ABCA4: variants seen among roughly 807,000 people sequenced by gnomAD.
ABCA4 encodes the protein ATP binding cassette subfamily A member 4.
In ABCA4, 196 loss-of-function variants were observed where a neutral mutation model predicts 263.7. That is an observed-to-expected ratio of 0.74 (90% CI 0.66 to 0.84). The LOEUF is 0.84. Ranked by LOEUF, ABCA4 falls within the 40% of genes least tolerant of loss-of-function variation. The pLI, the probability that ABCA4 is intolerant of heterozygous loss-of-function variation, is 0.00. For synonymous variants in ABCA4, 1,133 were observed against 1,094.2 expected (o/e 1.04, Z -0.70); for missense variants, 2,792 against 2,855.1 (o/e 0.98, Z 0.50).
At chr1:94,120,752 T>C (rs1437294498) in intron 1 of ABCA4, among the ~76,000 whole-genome samples, 1 of 152,026 alleles carries the variant, frequency 6.6e-6, no homozygotes, top group Non-Finnish European at 1.5e-5. Flanking sequence ...AAGATTTTCA[T>C]GTGGCTGAGG....
chr1:94,117,295 T>C (rs1267368605), intron 1 of ABCA4, among the ~76,000 whole-genome samples: 1 of 151,998 alleles, frequency 6.6e-6, no homozygotes, highest in Non-Finnish European at 1.5e-5. Context: ...AGGACAGAAT[T>C]CTTAGCCTGG....
chr1:94,014,438 G>A (rs955384267), intron 38 of ABCA4, 105 bp downstream of exon 38: 20 of 1,317,294 alleles, frequency 1.5e-5, no homozygotes, highest in South Asian at 2.4e-5. Flanking sequence ...GCACTCATCC[G>A]CATACAGCTG....
Position 94,098,900 on chromosome 1 carries a change from C to T in ABCA4, c.662G>A (p.Gly221Glu), listed in dbSNP as rs377637509. The T allele has an allele frequency of 1.9e-6, 3 of 1,613,908 alleles. No homozygotes were observed. The highest frequency in any genetic ancestry group is 1.1e-5 in the South Asian group (1 of 91,082). ...ERFIIFSQRRGAKTVRYALCS... is the reference protein window; with the variant it reads ...ERFIIFSQRREAKTVRYALCS... Reference sequence around the variant, plus strand: ...CAGGGCATAGCGCACCGTCTTTGCCCCGCGTCTCTGGCTGAAGATGATGAA... The same window carrying T: ...CAGGGCATAGCGCACCGTCTTTGCCTCGCGTCTCTGGCTGAAGATGATGAA... Residue 221 changes from glycine to glutamate, a missense_variant, in exon 6 of 50, where the codon GGG (glycine) becomes GAG (glutamate). Coordinates refer to ENST00000370225, the MANE Select transcript of ABCA4 (RefSeq NM_000350.3).
rs1384070343 is a variant in ABCA4, at chr1:94,077,753, G to A, written c.1491C>T (p.Phe497=). The change falls in exon 11 of 50, where the codon TTC becomes TTT. Residue 497 remains phenylalanine, a synonymous_variant. Coordinates refer to ENST00000370225, the MANE Select transcript of ABCA4 (RefSeq NM_000350.3). ...RESQADDMAN[F]DWRDIFNITD... ...TGATGTTAAATATGTCCCTCCAGTC[G>A]AAGTTGGCCATGTCGTCAGCCTGGC... The A allele has an allele frequency of 6.2e-7, 1 of 1,614,164 alleles. No homozygotes were observed. The highest frequency in any genetic ancestry group is 8.5e-7 in the Non-Finnish European group (1 of 1,180,008).
chr1:94,107,166 C>A (rs145151006), intron 4 of ABCA4, among the ~76,000 whole-genome samples: 1 of 152,118 alleles, frequency 6.6e-6, no homozygotes, highest in African/African-American at 2.4e-5. Context: ...CCTTGGTGAC[C>A]CCTTTCTCAT....
In ABCA4 at chr1:93,993,088, T is replaced by A; in HGVS notation, c.*149A>T. The A allele has an allele frequency of 9.8e-7, 1 of 1,015,304 alleles. No individual in the cohort carries two copies. The allele number at this position is 1,015,304 out of a possible 1,614,324, so 62.9% of individuals were successfully genotyped here. ...CCTTCTGAAAGACCTCTTTCTGAAT[T>A]CGCTGCATGCTCCTCGTGTGTTTGT... On this transcript the variant is annotated 3_prime_UTR_variant, in exon 50 of 50. Transcript: ENST00000370225.
At chr1:94,024,834 AAAAG>A in intron 31 of ABCA4, 116 bp downstream of exon 31, 19 of 893,518 alleles carry the variant, frequency 2.1e-5, no homozygotes, top group Non-Finnish European at 3.3e-5. Context: ...AATCAGATAA[AAAAG>A]AAAAAAATCT....
rs61749414 is a variant in ABCA4, at chr1:94,062,611, G to T, written c.1903C>A (p.Gln635Lys). The change falls in exon 13 of 50, where the codon CAG becomes AAG. Residue 635 changes from glutamine to lysine, a missense_variant. Gln to Lys is a moderately conservative substitution (Grantham distance 53). Coordinates refer to ENST00000370225, the MANE Select transcript of ABCA4 (RefSeq NM_000350.3). ...QAEAPVGIYLQQMPYPCFVDD... is the reference protein window; with the variant it reads ...QAEAPVGIYLKQMPYPCFVDD... ...ACGAAGCAGGGGTAGGGCATCTGCT[G>T]GAGGTAGATTCCAACTGGAGCCTCC... 6.2e-7 allele frequency: 1 copy of T among 1,614,160 alleles called. No homozygotes were observed. The highest frequency in any genetic ancestry group is 8.5e-7 in the Non-Finnish European group (1 of 1,180,030).
rs144310835 is a variant in ABCA4 at position 94,098,885 on chromosome 1, C to T, written c.677G>A (p.Arg226His). Residue 226 changes from arginine to histidine, a missense_variant, in exon 6 of 50, where the codon CGC (arginine) becomes CAC (histidine). Arg to His is a conservative substitution (Grantham distance 29). Transcript: ENST00000370225. ...FSQRRGAKTVRYALCSLSQGT... is the reference protein window; with the variant it reads ...FSQRRGAKTVHYALCSLSQGT... ...CTGGGAGAGGGAGCACAGGGCATAGCGCACCGTCTTTGCCCCGCGTCTCTG... is the reference window on the plus strand; with the variant it reads ...CTGGGAGAGGGAGCACAGGGCATAGTGCACCGTCTTTGCCCCGCGTCTCTG... 1.7e-4 allele frequency: 279 copies of T among 1,614,056 alleles called. 1 individual carries two copies. The highest frequency in any genetic ancestry group is 1.3e-3 in the African/African-American group (95 of 75,056).
intron 19 of ABCA4, chr1:94,045,953 G>A: frequency 2.2e-6 from 1 of 456,194 alleles, no homozygotes; most frequent in South Asian, 1.5e-5. Context: ...AGGAGAGTGG[G>A]GCGCCTGCGG....
intron 46 of ABCA4, 36 bp downstream of exon 46, chr1:94,000,966 T>C (rs1659156210): frequency 1.2e-6 from 2 of 1,614,032 alleles, no homozygotes; most frequent in Non-Finnish European, 8.5e-7. Context: ...AGGAGAGGAT[T>C]CCCACCCACC....
chr1:94,046,455 C>CAAAAAAAAAA (rs61333901), intron 19 of ABCA4, among the ~76,000 whole-genome samples: 23 of 42,168 alleles, frequency 5.5e-4, no homozygotes, highest in East Asian at 1.9e-3. Context: ...GTTACTATCT[C>CAAAAAAAAAA]AAAAAAAAAA....
chr1:94,078,972 T>A (rs936430776), intron 9 of ABCA4, among the ~76,000 whole-genome samples: 5 of 152,158 alleles, frequency 3.3e-5, no homozygotes, highest in Admixed American at 2.0e-4. Context: ...TCGTTAAAGC[T>A]AGATTTGGAC....
At chr1:94,027,717 C>A (rs1660080668) in intron 30 of ABCA4, among the ~76,000 whole-genome samples, 1 of 152,154 alleles carries the variant, frequency 6.6e-6, no homozygotes, top group Admixed American at 6.5e-5. Context: ...TTTGCTCCTC[C>A]CTGCTGCCTT....
chr1:94,016,458 C>T lies in ABCA4; in HGVS notation c.5197-604G>A, dbSNP rs191777862. Among the ~76,000 whole-genome samples, 18 of 152,044 alleles carry T rather than the reference C, an allele frequency of 1.2e-4. 2 individuals are homozygous for T. Among genetic ancestry groups the T allele is most frequent in the East Asian group, 9.7e-4 (5 of 5,148 alleles). Reference sequence around the variant, plus strand: ...GCAGGGTATCAGAGCCAGAGCAGAACGAGGAGGACCTGCATGCAGCAGAGG... The same window carrying T: ...GCAGGGTATCAGAGCCAGAGCAGAATGAGGAGGACCTGCATGCAGCAGAGG... On this transcript the variant is annotated intron_variant, in intron 36 of 49. Transcript: ENST00000370225.
At chr1:94,036,677 T>C in intron 26 of ABCA4, 63 bp downstream of exon 26, 1 of 1,567,226 alleles carries the variant, frequency 6.4e-7, no homozygotes. Context: ...CCCCTTAGAC[T>C]TTCGAGATGG....
In ABCA4 at chr1:94,005,518, C is replaced by T. The variant is rs747011478; in HGVS notation, c.6070G>A (p.Asp2024Asn). Residue 2024 changes from aspartate to asparagine, a missense_variant, in exon 44 of 50, where the codon GAT becomes AAT. Transcript: ENST00000370225. ...TGTTCTCGTCCTGTGAGCAGCTCAT[C>T]AATTGCATCAAACTGAGGACAGTAG... ...MGYCPQFDAI[D>N]ELLTGREHLY... The T allele has an allele frequency of 6.8e-6, 11 of 1,613,892 alleles. No homozygotes were observed. The highest frequency in any genetic ancestry group is 1.1e-5 in the South Asian group (1 of 91,084).
intron 43 of ABCA4, among the ~76,000 whole-genome samples, chr1:94,006,275 C>A (rs1320789982): frequency 3.4e-5 from 5 of 145,570 alleles, no homozygotes; most frequent in African/African-American, 1.0e-4. Flanking sequence ...ACAAAAGCCA[C>A]CAAAGGCATG....
chr1:94,107,659 G>A (rs1334398458), intron 4 of ABCA4, among the ~76,000 whole-genome samples: 1 of 152,086 alleles, frequency 6.6e-6, no homozygotes, highest in Admixed American at 6.5e-5. Context: ...CTGCACAACC[G>A]TGGTGTCCGT....
Sources: allele counts gnomAD v4.1 joint callset (sites outside exome capture counted in the v4.1 genomes callset), GRCh38; gene constraint gnomAD v4.1.1; transcripts MANE v1.5; gene names NCBI Gene and HGNC (gene_info 2026-07-23, HGNC 2026-07-21).